CDH12: variants seen among roughly 807,000 people sequenced by gnomAD.
CDH12 encodes the protein cadherin 12.
A neutral mutation model predicts 74.1 loss-of-function variants in CDH12; 41 were observed. That is an observed-to-expected ratio of 0.55 (90% CI 0.43 to 0.72). The LOEUF is 0.72. CDH12 is among the 30% of genes least tolerant of loss of function. The probability of loss-of-function intolerance (pLI) is 0.00; values close to 1 mark genes in which losing one functional copy is unlikely to be tolerated. For missense variants in CDH12, 945 were observed against 977.2 expected (o/e 0.97, Z 0.44); for synonymous variants, 399 against 355.0 (o/e 1.12, Z -1.39).
intron 1 of CDH12, among the ~76,000 whole-genome samples, chr5:22,557,451 G>C (rs1243808455): frequency 6.6e-6 from 1 of 152,016 alleles, no homozygotes; most frequent in African/African-American, 2.4e-5. Context: ...ACCAAACAAG[G>C]GAAAGGCATT....
At chr5:22,801,977 A>G (rs944513583) in intron 1 of CDH12, among the ~76,000 whole-genome samples, 20 of 151,938 alleles carry the variant, frequency 1.3e-4, no homozygotes, top group Non-Finnish European at 8.8e-5. Context: ...ATCTAATACC[A>G]TCCTTAATAT....
At chr5:22,653,260 A>C (rs1164146446) in intron 1 of CDH12, among the ~76,000 whole-genome samples, 3 of 152,092 alleles carry the variant, frequency 2.0e-5, no homozygotes, top group Non-Finnish European at 4.4e-5. Context: ...TGTGGTTCCT[A>C]ATTAATACCT....
intron 10 of CDH12, among the ~76,000 whole-genome samples, chr5:21,790,757 A>G (rs887752920): frequency 4.0e-5 from 6 of 151,738 alleles, no homozygotes; most frequent in African/African-American, 1.2e-4. Context: ...CTCTCCTTTC[A>G]TACTATTTTG....
chr5:21,931,998 C>A (rs138402063), intron 6 of CDH12, among the ~76,000 whole-genome samples: 2 of 152,298 alleles, frequency 1.3e-5, no homozygotes, highest in African/African-American at 4.8e-5. Flanking sequence ...GTTTTTTAAT[C>A]TTTCAATTTT....
intron 5 of CDH12, among the ~76,000 whole-genome samples, chr5:21,995,587 G>A (rs1159263786): frequency 1.3e-5 from 2 of 151,796 alleles, no homozygotes; most frequent in Admixed American, 1.3e-4. Context: ...GTGGAAAAAT[G>A]CGGGGCCAGG....
chr5:22,486,446 ATTT>A (rs5866568), intron 2 of CDH12, among the ~76,000 whole-genome samples: 1,524 of 131,376 alleles, frequency 0.012, 10 homozygotes, highest in Middle Eastern at 0.036. Context: ...GTAACTAGTA[ATTT>A]TTTTTTTTTT....
chr5:22,578,392 G>A (rs994682914), intron 1 of CDH12, among the ~76,000 whole-genome samples: 2 of 150,886 alleles, frequency 1.3e-5, no homozygotes, highest in African/African-American at 4.9e-5. Flanking sequence ...TGTGTGGGGG[G>A]GGGGTGTTTT....
chr5:22,475,138 A>G (rs1746117008), intron 2 of CDH12, among the ~76,000 whole-genome samples: 1 of 151,422 alleles, frequency 6.6e-6, no homozygotes, highest in South Asian at 2.1e-4. Flanking sequence ...CATTCTGAGC[A>G]GGGAAGAAGA....
intron 1 of CDH12, among the ~76,000 whole-genome samples, chr5:22,733,012 C>T (rs1405225365): frequency 1.3e-5 from 2 of 151,942 alleles, no homozygotes; most frequent in South Asian, 2.1e-4. Context: ...ATGAGCAAAT[C>T]ATCTGAAATA....
intron 6 of CDH12, among the ~76,000 whole-genome samples, chr5:21,952,544 T>G (rs905097513): frequency 6.6e-6 from 1 of 152,188 alleles, no homozygotes; most frequent in African/African-American, 2.4e-5. Context: ...TATTCTTTCC[T>G]TCTGTGACAG....
chr5:22,240,836 C>T (rs576572656), intron 3 of CDH12, among the ~76,000 whole-genome samples: 49 of 152,094 alleles, frequency 3.2e-4, no homozygotes, highest in Non-Finnish European at 6.2e-4. Context: ...CGCACCTGGC[C>T]GGATAGTAAT....
chr5:21,988,511 A>T (rs1224785847), intron 5 of CDH12, among the ~76,000 whole-genome samples: 2 of 149,256 alleles, frequency 1.3e-5, no homozygotes, highest in Non-Finnish European at 3.0e-5. Flanking sequence ...AAAAAAAAAA[A>T]AAAAAAAAAA....
chr5:21,869,668 T>C (rs1285644301), intron 6 of CDH12, among the ~76,000 whole-genome samples: 1 of 152,142 alleles, frequency 6.6e-6, no homozygotes, highest in Non-Finnish European at 1.5e-5. Flanking sequence ...CCCAAAGACT[T>C]TATCTCCTCT....
chr5:22,151,566 T>C (rs1273200514), intron 4 of CDH12, among the ~76,000 whole-genome samples: 1 of 152,144 alleles, frequency 6.6e-6, no homozygotes, highest in Non-Finnish European at 1.5e-5. Context: ...TGCCAATAAT[T>C]TTGTTCCCTG....
In CDH12 at chr5:22,619,073, A is replaced by C. The variant is rs917478809; in HGVS notation, c.-522-113709T>G. 3.3e-5 allele frequency among the ~76,000 whole-genome samples: 5 copies of C among 152,180 alleles called. No individual in the cohort carries two copies. In the East Asian group the frequency reaches 7.7e-4, roughly 24 times the overall value. ...TTATTAGTAGCATAAGAACAGATGA[A>C]TACACCTTCTTACCTTCTATTATTT... is the stretch of plus-strand genomic sequence containing the variant. On this transcript the variant is annotated intron_variant, in intron 1 of 14. Coordinates refer to ENST00000382254, the MANE Select transcript of CDH12 (RefSeq NM_004061.5).
chr5:22,293,229 C>T (rs1737477230), intron 3 of CDH12, among the ~76,000 whole-genome samples: 1 of 152,084 alleles, frequency 6.6e-6, no homozygotes, highest in African/African-American at 2.4e-5. Flanking sequence ...CCAACGGGGA[C>T]CGGACACAGT....
rs769951916 is a variant in CDH12, at chr5:22,078,644, G to C, written c.33C>G (p.Leu11=). The part of the protein sequence containing the change: MLTRNCLSLL[L]WVLFDGGLLT... ...GGAGACCTCCATCAAACAGAACCCAGAGAAGCAGGGATAAACAGTTCCTTG... is the reference window on the plus strand; with the variant it reads ...GGAGACCTCCATCAAACAGAACCCACAGAAGCAGGGATAAACAGTTCCTTG... The change falls in exon 5 of 15, where the codon CTC becomes CTG. Residue 11 remains leucine (L), a synonymous_variant. Transcript: ENST00000382254. 1.2e-6 allele frequency: 2 copies of C among 1,613,798 alleles called. No individual in the cohort carries two copies. The highest frequency in any genetic ancestry group is 3.3e-5 in the Admixed American group (2 of 59,986).
rs1554039892 is a variant in CDH12 at position 22,425,172 on chromosome 5, A to ATATATATATAT, written c.-427-19822_-427-19821insATATATATATA. ...GTGTGTGTATATATATATATATATAAATATATATATATATATACTTCTTTC... is the reference window on the plus strand; with the variant it reads ...GTGTGTGTATATATATATATATATAATATATATATATATATATATATATATATACTTCTTTC... On this transcript the variant is annotated intron_variant, in intron 2 of 14. Coordinates refer to ENST00000382254, the MANE Select transcript of CDH12 (RefSeq NM_004061.5). 2.4e-4 allele frequency among the ~76,000 whole-genome samples: 20 copies of ATATATATATAT among 83,448 alleles called. 1 individual carries two copies. The highest frequency in any genetic ancestry group is 5.8e-4 in the Admixed American group (5 of 8,658). The allele number at this position is 83,448 out of a possible 152,430, so 54.7% of individuals were successfully genotyped here.
At chr5:22,472,318 T>C (rs1224549485) in intron 2 of CDH12, among the ~76,000 whole-genome samples, 2 of 152,142 alleles carry the variant, frequency 1.3e-5, no homozygotes, top group Non-Finnish European at 2.9e-5. Context: ...CATTCATTTT[T>C]ACAAAGTTCT....
Sources: allele counts gnomAD v4.1 joint callset (sites outside exome capture counted in the v4.1 genomes callset), GRCh38; gene constraint gnomAD v4.1.1; transcripts MANE v1.5; gene names NCBI Gene and HGNC (gene_info 2026-07-23, HGNC 2026-07-21).